Variants in SMPD4 observed in about 807,000 individuals in gnomAD.
SMPD4 encodes the protein neutral sphingomyelinase 3.
In SMPD4, 58 loss-of-function variants were observed where a neutral mutation model predicts 97.8. The observed-to-expected ratio is 0.59, with a 90% CI of 0.48 to 0.74. SMPD4 has a LOEUF of 0.74. Ranked by LOEUF, SMPD4 falls within the 30% of genes least tolerant of loss-of-function variation. SMPD4 has a pLI of 0.00. For missense variants in SMPD4, 853 were observed against 1,080.5 expected (o/e 0.79, Z 2.95); for synonymous variants, 388 against 450.0 (o/e 0.86, Z 1.74).
chr2:130,156,185 CGGT>C, intron 13 of SMPD4, 50 bp from the exon 14 acceptor site: 4 of 1,531,618 alleles, frequency 2.6e-6, no homozygotes, highest in Non-Finnish European at 3.6e-6. Context: ...GCCAAATACT[CGGT>C]GGCCTGGAGC....
At chr2:130,154,676 C>T (rs1281225362) in intron 15 of SMPD4, 194 bp from the exon 16 acceptor site, 7 of 673,918 alleles carry the variant, frequency 1.0e-5, no homozygotes, top group Admixed American at 2.2e-5. Flanking sequence ...GAGCTGCTGG[C>T]TCACAGAGCC....
intron 1 of SMPD4, among the ~76,000 whole-genome samples, chr2:130,179,089 G>A (rs1689242358): frequency 6.6e-6 from 1 of 151,820 alleles, no homozygotes; most frequent in African/African-American, 2.4e-5. Context: ...TCTGCCTCTC[G>A]GCAATAGGAA....
chr2:130,167,682 G>A (rs559263786), intron 8 of SMPD4, 92 bp from the exon 9 acceptor site: 8 of 1,403,084 alleles, frequency 5.7e-6, no homozygotes, highest in African/African-American at 1.4e-5. Context: ...CAAAATCAAC[G>A]AGAGCAGGGA....
intron 12 of SMPD4, 109 bp from the exon 13 acceptor site, chr2:130,156,784 C>G: frequency 6.4e-7 from 1 of 1,550,966 alleles, no homozygotes; most frequent in Non-Finnish European, 8.7e-7. Context: ...GGGGAGAGCA[C>G]TGGGCACCTC....
chr2:130,156,091 C>A lies in SMPD4; in HGVS notation c.1233G>T (p.Ala411=). The change falls in exon 14 of 20, where the codon GCG becomes GCT. Residue 411 remains alanine (A), a synonymous_variant. Transcript: ENST00000680298. ...WLSYLQPWRY[A]PDKQAPGSDS... ...CGCTGCCCGGAGCCTGCTTGTCAGGCGCGTACCGCCACGGCTGCAGGTAGC... is the reference window on the plus strand; with the variant it reads ...CGCTGCCCGGAGCCTGCTTGTCAGGAGCGTACCGCCACGGCTGCAGGTAGC... The A allele has an allele frequency of 6.2e-7, 1 of 1,611,212 alleles. No homozygotes were observed. Among genetic ancestry groups the A allele is most frequent in the Non-Finnish European group, 8.5e-7 (1 of 1,179,844 alleles).
At chr2:130,152,993 C>T (rs1686382757) in intron 19 of SMPD4, 50 bp downstream of exon 19, 1 of 1,578,600 alleles carries the variant, frequency 6.3e-7, no homozygotes, top group Non-Finnish European at 8.6e-7. Context: ...CAGGCAGGAG[C>T]ATCTAGAACC....
chr2:130,174,858 G>A, intron 3 of SMPD4, 56 bp downstream of exon 3: 4 of 1,316,256 alleles, frequency 3.0e-6, no homozygotes, highest in Non-Finnish European at 3.3e-6. Flanking sequence ...TTATAATAAA[G>A]TTCTTCAACG....
intron 1 of SMPD4, chr2:130,181,230 ACTT>A (rs1689579950): frequency 4.8e-6 from 6 of 1,260,890 alleles, no homozygotes; most frequent in Non-Finnish European, 6.0e-6. Context: ...CCAAGGCTCA[ACTT>A]CAACACAAAG....
chr2:130,172,482 G>A lies in SMPD4; in HGVS notation c.526C>T (p.His176Tyr), dbSNP rs142058907. The A allele has an allele frequency of 1.9e-6, 3 of 1,611,594 alleles. No individual in the cohort carries two copies. Among genetic ancestry groups the A allele is most frequent in the Admixed American group, 1.7e-5 (1 of 59,900 alleles). Residue 176 changes from histidine to tyrosine, a missense_variant, in exon 8 of 20, where the codon CAC (histidine) becomes TAC (tyrosine). This residue lies in a region of SMPD4 where 313 missense variants were observed against 402.2 expected (regional missense o/e 0.78). Transcript: ENST00000680298. ...TAGGCACAGTCTGAAGTACGGACGT[G>A]GAGGGACACAGGAAGTGGCTGGAAA... ...ITQKPLPVSL[H>Y]VRTSDCAYFI...
Position 130,153,424 on chromosome 2 carries a change from G to C in SMPD4, c.1920C>G (p.Phe640Leu). 1 of 1,613,898 alleles carries C rather than the reference G, an allele frequency of 6.2e-7. No homozygotes were observed. The highest frequency in any genetic ancestry group is 8.5e-7 in the Non-Finnish European group (1 of 1,180,014). The change falls in exon 18 of 20, where the codon TTC becomes TTG. Residue 640 changes from phenylalanine to leucine, a missense_variant. Phe to Leu is a conservative substitution (Grantham distance 22). Transcript: ENST00000680298. ...CCTGGGTGGTGCCCAAGGCGAGTGT[G>C]AACTGCCTGAGCTGCGCTTCGCTGA... ...FRLSEAQLRQ[F>L]TLALGTTQDE... is the part of the protein sequence containing the mutation.
At chr2:130,165,872 G>C (rs1361433750) in intron 9 of SMPD4, among the ~76,000 whole-genome samples, 1 of 152,084 alleles carries the variant, frequency 6.6e-6, no homozygotes. Flanking sequence ...CGCCCGGGCT[G>C]GTTCAGTTTC....
At position 130,179,097 on chromosome 2, in the gene SMPD4, G is replaced by C. The variant is rs548198416; in HGVS notation, c.-46+2433C>G. Among the ~76,000 whole-genome samples, 472 of 151,782 alleles carry C rather than the reference G, an allele frequency of 3.1e-3. 1 individual carries two copies. The highest frequency in any genetic ancestry group is 0.011 in the African/African-American group (451 of 41,440). On this transcript the variant is annotated intron_variant, in intron 1 of 19. Transcript: ENST00000680298. Reference sequence around the variant, plus strand: ...AGGAATCTCTGCCTCTCGGCAATAGGAACATCTCCCAAGTTTTTTCAATTC... The same window carrying C: ...AGGAATCTCTGCCTCTCGGCAATAGCAACATCTCCCAAGTTTTTTCAATTC...
chr2:130,162,403 C>T (rs1179665720), intron 10 of SMPD4, among the ~76,000 whole-genome samples: 1 of 152,270 alleles, frequency 6.6e-6, no homozygotes, highest in African/African-American at 2.4e-5. Flanking sequence ...ACGCCAGTCG[C>T]CATGACACGC....
chr2:130,161,239 T>C lies in SMPD4; in HGVS notation c.898A>G (p.Ser300Gly), dbSNP rs772776574. Residue 300 changes from serine (S) to glycine (G), a missense_variant, in exon 11 of 20, where the codon AGC becomes GGC. Physicochemically the swap from Ser to Gly is moderately conservative, Grantham distance 56. Transcript: ENST00000680298. ...GGTTGGGCGGGGCTGTAGAGGGCGC[T>C]GGAGACACTGAGTCGGTAGTGCAGA... ...EVLHYRLSVS[S>G]ALYSPAQPSL... The C allele has an allele frequency of 1.9e-6, 3 of 1,613,618 alleles. No individual in the cohort carries two copies. Among genetic ancestry groups the C allele is most frequent in the East Asian group, 2.2e-5 (1 of 44,840 alleles).
intron 10 of SMPD4, 121 bp downstream of exon 10, chr2:130,164,249 CAGGT>C (rs1007361960): frequency 2.2e-5 from 18 of 806,646 alleles, no homozygotes; most frequent in Non-Finnish European, 3.0e-5. Flanking sequence ...TTCTGAGTGA[CAGGT>C]GGGTGGTGGG....
intron 1 of SMPD4, among the ~76,000 whole-genome samples, chr2:130,179,811 CATCCAGTTA>C (rs1487121011): frequency 2.0e-5 from 3 of 152,022 alleles, no homozygotes; most frequent in Non-Finnish European, 2.9e-5. Flanking sequence ...CATGCCACCA[CATCCAGTTA>C]ATTTTTGTAT....
chr2:130,155,740 A>G (rs1686716100), intron 14 of SMPD4, among the ~76,000 whole-genome samples: 1 of 152,022 alleles, frequency 6.6e-6, no homozygotes, highest in South Asian at 2.1e-4. Flanking sequence ...GATGAAGGTC[A>G]AGGGATAGTT....
chr2:130,153,273 C>T (rs1181496809), intron 18 of SMPD4, 46 bp downstream of exon 18: 3 of 1,612,626 alleles, frequency 1.9e-6, no homozygotes, highest in Non-Finnish European at 2.5e-6. Context: ...GAGCTGGGGA[C>T]GGGTCAGGGC....
chr2:130,173,554 G>T lies in SMPD4; in HGVS notation c.229C>A (p.Pro77Thr). The T allele has an allele frequency of 6.2e-7, 1 of 1,613,108 alleles. No individual in the cohort carries two copies. Among genetic ancestry groups the T allele is most frequent in the Non-Finnish European group, 8.5e-7 (1 of 1,179,406 alleles). ...NLRCLQGRVN[P>T]VEYSIVMEFL... The stretch of plus-strand genomic sequence containing the variant: ...TCCATCACGATGCTGTACTCCACAG[G>T]ATTCACGCGCCCCTGTAAGCAGCGG... Residue 77 changes from proline (P) to threonine (T), a missense_variant, in exon 4 of 20, where the codon CCT becomes ACT. Around this residue, in one of 3 missense-constraint regions of SMPD4, gnomAD observed 313 missense variants for 402.2 expected, o/e 0.78. Coordinates refer to ENST00000680298, the MANE Select transcript of SMPD4 (RefSeq NM_017951.5).
Sources: allele counts gnomAD v4.1 joint callset (sites outside exome capture counted in the v4.1 genomes callset), GRCh38; gene constraint gnomAD v4.1.1; regional missense constraint gnomAD v4.1.1; transcripts MANE v1.5; gene names NCBI Gene and HGNC (gene_info 2026-07-23, HGNC 2026-07-21).